The following GPR19 variants were observed in gnomAD, a reference collection of about 807,000 sequenced individuals.
GPR19 encodes the protein probable G protein-coupled receptor 19.
Under a neutral mutation model 28.5 loss-of-function variants are expected in GPR19, and 14 were observed. The observed-to-expected ratio is 0.49, with a 90% CI of 0.32 to 0.77. GPR19 has a LOEUF of 0.77. Among genes scored for constraint, GPR19 ranks in the 30% least tolerant of loss-of-function variants. The probability of loss-of-function intolerance (pLI) is 0.03; values close to 1 mark genes in which losing one functional copy is unlikely to be tolerated. For missense variants in GPR19, 409 were observed against 504.1 expected (o/e 0.81, Z 1.81); for synonymous variants, 173 against 184.1 (o/e 0.94, Z 0.49).
chr12:12,696,973 C>G (rs1457940403), upstream of GPR19, among the ~76,000 whole-genome samples: 1 of 151,920 alleles, frequency 6.6e-6, no homozygotes, highest in Non-Finnish European at 1.5e-5. Flanking sequence ...CCACCCTAAC[C>G]AGAACTAAAA....
At chr12:12,678,029 G>A (rs920596647) in intron 3 of GPR19, among the ~76,000 whole-genome samples, 10 of 141,666 alleles carry the variant, frequency 7.1e-5, no homozygotes, top group African/African-American at 2.4e-4. Flanking sequence ...AGCTGAGATC[G>A]TGCCACTGCA....
chr12:12,668,225 G>A (rs1015319441), intron 3 of GPR19, among the ~76,000 whole-genome samples: 1 of 152,122 alleles, frequency 6.6e-6, no homozygotes, highest in African/African-American at 2.4e-5. Context: ...TTTAAAAAAT[G>A]CCTATAAAGA....
At chr12:12,689,650 A>G (rs556154727) in intron 2 of GPR19, among the ~76,000 whole-genome samples, 1 of 152,198 alleles carries the variant, frequency 6.6e-6, no homozygotes, top group Admixed American at 6.5e-5. Flanking sequence ...AAATTCTTTG[A>G]TATGCCTTCA....
chr12:12,705,618 G>C, the GPR19 span, among the ~76,000 whole-genome samples: 1 of 151,884 alleles, frequency 6.6e-6, no homozygotes, highest in East Asian at 1.9e-4. Context: ...CATGTTTACA[G>C]CTCACTGCAG....
chr12:12,699,459 T>G (rs949020915), upstream of GPR19, among the ~76,000 whole-genome samples: 4 of 152,058 alleles, frequency 2.6e-5, no homozygotes, highest in African/African-American at 7.2e-5. Context: ...TCTTAAGTAT[T>G]GGGGGTAATT....
intron 3 of GPR19, among the ~76,000 whole-genome samples, chr12:12,679,384 A>C (rs948468742): frequency 6.7e-6 from 1 of 150,282 alleles, no homozygotes; most frequent in African/African-American, 2.5e-5. Flanking sequence ...TGAAGCCAGA[A>C]GTTTAAGACA....
chr12:12,665,344 A>G lies in GPR19; in HGVS notation c.-22-2874T>C, dbSNP rs114065895. Among the ~76,000 whole-genome samples the G allele has an allele frequency of 5.1e-3, 771 of 152,206 alleles. 6 individuals are homozygous for G. The highest frequency in any genetic ancestry group is 0.018 in the African/African-American group (740 of 41,522). Reference sequence around the variant, plus strand: ...CCATCATTTCCTCCAGCTGCTTTACACCCATGAGTCTGTCTGCCCATTTCC... The same window carrying G: ...CCATCATTTCCTCCAGCTGCTTTACGCCCATGAGTCTGTCTGCCCATTTCC... On this transcript the variant is annotated intron_variant, in intron 3 of 3. Coordinates refer to ENST00000651487, the MANE Select transcript of GPR19 (RefSeq NM_006143.3).
chr12:12,675,255 G>A (rs1429946969), intron 3 of GPR19, among the ~76,000 whole-genome samples: 1 of 152,114 alleles, frequency 6.6e-6, no homozygotes, highest in Admixed American at 6.5e-5. Context: ...GGGATAAGTG[G>A]AGCCGAGAGG....
At chr12:12,708,441 G>A in the GPR19 span, among the ~76,000 whole-genome samples, 2 of 151,868 alleles carry the variant, frequency 1.3e-5, no homozygotes, top group Non-Finnish European at 2.9e-5. Flanking sequence ...CATTTTTCCA[G>A]GCATTTGAAT....
intron 3 of GPR19, among the ~76,000 whole-genome samples, chr12:12,673,127 A>G (rs549140187): frequency 6.6e-6 from 1 of 152,348 alleles, no homozygotes; most frequent in South Asian, 2.1e-4. Flanking sequence ...CCTGCCTCTT[A>G]AGAGGCTAAA....
chr12:12,717,207 G>C, the GPR19 span: 1 of 1,048,698 alleles, frequency 9.5e-7, no homozygotes, highest in East Asian at 5.5e-5. Context: ...ATCTCCCGGC[G>C]GCGCTCGGGG....
At position 12,664,641 on chromosome 12, in the gene GPR19, C is replaced by T. The variant is rs1298519925; in HGVS notation, c.-22-2171G>A. ...ACACTTTCCATATAAGAAATCAGGG[C>T]CAGGCGCGGTGGCTCATGCCTGTAA... On this transcript the variant is annotated intron_variant, in intron 3 of 3. Coordinates refer to ENST00000651487, the MANE Select transcript of GPR19 (RefSeq NM_006143.3). 2.0e-5 allele frequency among the ~76,000 whole-genome samples: 3 copies of T among 152,146 alleles called. No individual in the cohort carries two copies. The East Asian group carries it at 5.8e-4, about 29-fold the overall frequency.
Position 12,694,714 on chromosome 12 carries a change from G to A in GPR19, c.-180+745C>T, listed in dbSNP as rs144959530. On this transcript the variant is annotated intron_variant, in intron 2 of 3. Coordinates refer to ENST00000651487, the MANE Select transcript of GPR19 (RefSeq NM_006143.3). ...TTCAGACAGGACACACAGAGTGACT[G>A]GCAGACCCTAAAGTCAAAGCCCAGG... Among the ~76,000 whole-genome samples the A allele has an allele frequency of 4.1e-4, 62 of 152,252 alleles. No individual in the cohort carries two copies. In the East Asian group the frequency reaches 0.011, roughly 27 times the overall value.
chr12:12,700,003 G>A (rs1946308567), upstream of GPR19, among the ~76,000 whole-genome samples: 1 of 150,164 alleles, frequency 6.7e-6, no homozygotes, highest in South Asian at 2.1e-4. Context: ...TGTAAAGATG[G>A]GGTCTCCTCA....
chr12:12,670,241 G>GTCCCATGCAATA (rs2136322468), intron 3 of GPR19, among the ~76,000 whole-genome samples: 1 of 152,228 alleles, frequency 6.6e-6, no homozygotes, highest in South Asian at 2.1e-4. Flanking sequence ...GTAAAAGTAT[G>GTCCCATGCAATA]TCCCATGCAA....
chr12:12,694,086 C>T (rs1026459312), intron 2 of GPR19, among the ~76,000 whole-genome samples: 6 of 151,514 alleles, frequency 4.0e-5, no homozygotes, highest in African/African-American at 9.7e-5. Context: ...GGGCTCCACT[C>T]GCAGAGATTC....
chr12:12,697,123 CAT>C (rs1358535003), upstream of GPR19, among the ~76,000 whole-genome samples: 1 of 106,306 alleles, frequency 9.4e-6, no homozygotes, highest in Non-Finnish European at 1.7e-5. Context: ...GCAAAACCTA[CAT>C]GATTTAAGAC....
At chr12:12,672,413 C>A (rs1027090745) in intron 3 of GPR19, among the ~76,000 whole-genome samples, 4 of 152,116 alleles carry the variant, frequency 2.6e-5, no homozygotes, top group Non-Finnish European at 5.9e-5. Context: ...CACACAAAAT[C>A]TGAAAAGTAA....
At chr12:12,681,807 T>C (rs1946027136) in intron 3 of GPR19, among the ~76,000 whole-genome samples, 2 of 152,242 alleles carry the variant, frequency 1.3e-5, no homozygotes, top group African/African-American at 4.8e-5. Context: ...GGGTGACTAC[T>C]TTAAGCCTTA....
Sources: gnomAD v4.1 joint callset for allele counts (sites outside exome capture counted in the v4.1 genomes callset) on GRCh38, gnomAD v4.1.1 for gene constraint, MANE v1.5 for transcripts, NCBI Gene and HGNC (gene_info 2026-07-23, HGNC 2026-07-21) for gene names.